The following BRPF3 variants were observed in gnomAD, a reference collection of about 807,000 sequenced individuals.
BRPF3 encodes bromodomain and PHD finger-containing protein 3.
A neutral mutation model predicts 102.0 loss-of-function variants in BRPF3; 18 were observed. That is an observed-to-expected ratio of 0.18 (90% CI 0.12 to 0.26). The LOEUF (loss-of-function observed/expected upper bound fraction) is 0.26. Among genes scored for constraint, BRPF3 ranks in the 10% least tolerant of loss-of-function variants. The probability of loss-of-function intolerance (pLI) is 1.00; values close to 1 mark genes in which losing one functional copy is unlikely to be tolerated. For missense variants in BRPF3, 1,147 were observed against 1,567.8 expected, an observed-to-expected ratio of 0.73 and a Z score of 4.53; for synonymous variants, 570 against 614.2, an observed-to-expected ratio of 0.93 and a Z score of 1.06.
intron 11 of BRPF3, among the ~76,000 whole-genome samples, chr6:36,227,201 CTT>C (rs1318774303): frequency 2.0e-5 from 3 of 151,344 alleles, no homozygotes; most frequent in Non-Finnish European, 4.4e-5. Flanking sequence ...TTTTCTGGCT[CTT>C]GTCTTTTTTT....
chr6:36,215,650 T>G (rs1768303029), intron 8 of BRPF3, among the ~76,000 whole-genome samples: 1 of 152,088 alleles, frequency 6.6e-6, no homozygotes, highest in Admixed American at 6.5e-5. Flanking sequence ...GCTGGCCCTG[T>G]GGGATGAGGG....
At chr6:36,225,576 G>C (rs543226446) in intron 11 of BRPF3, among the ~76,000 whole-genome samples, 1 of 152,252 alleles carries the variant, frequency 6.6e-6, no homozygotes, top group African/African-American at 2.4e-5. Flanking sequence ...TCAAGGCCAG[G>C]GTTCTTAGAG....
chr6:36,209,800 A>G lies in BRPF3; in HGVS notation c.1751A>G (p.Gln584Arg). The G allele has an allele frequency of 6.2e-7, 1 of 1,614,158 alleles. No individual in the cohort carries two copies. The change falls in exon 5 of 13, where the codon CAG becomes CGG. Residue 584 changes from glutamine to arginine, a missense_variant. By Grantham distance (43) the Gln-to-Arg change is conservative (BLOSUM62 1). Around this residue, in one of 11 missense-constraint regions of BRPF3, gnomAD observed 23 missense variants for 54.4 expected, o/e 0.42. Transcript: ENST00000357641. ...KLKREQVKVQ[Q>R]AAMELELMPF... is the part of the protein sequence containing the mutation. ...CCTTCCCCACAGGTCAAAGTCCAGC[A>G]GGCTGCCATGGAGCTGGAGCTGATG...
chr6:36,217,761 A>T (rs1057460345), intron 8 of BRPF3, among the ~76,000 whole-genome samples, 156 bp from the exon 9 acceptor site: 1 of 152,010 alleles, frequency 6.6e-6, no homozygotes, highest in African/African-American at 2.4e-5. Context: ...TCTTGATCAG[A>T]TCTTCTCTAT....
chr6:36,223,368 G>A (rs967430500), intron 10 of BRPF3, among the ~76,000 whole-genome samples: 4 of 152,154 alleles, frequency 2.6e-5, no homozygotes, highest in Non-Finnish European at 5.9e-5. Context: ...AAATGAATTT[G>A]TACAGCATCT....
In BRPF3 at chr6:36,230,057, C is replaced by T. The variant is rs372438097; in HGVS notation, c.3435-369C>T. Among the ~76,000 whole-genome samples, 11 of 152,318 alleles carry T rather than the reference C, an allele frequency of 7.2e-5. No homozygotes were observed. The East Asian group carries it at 7.7e-4, about 11-fold the overall frequency. The stretch of plus-strand genomic sequence containing the variant: ...ATCAGCTCTACTTCCTAGCCATCGC[C>T]CCCTAATTCTCCAACGCAAGGCGAG... On this transcript the variant is annotated intron_variant, in intron 12 of 12. Transcript: ENST00000357641. This position sits in a 1 kb window ranked among gnomAD's most constrained non-coding sequence, Gnocchi z 5.4.
rs560550088 is a variant in BRPF3, at chr6:36,230,657, G to A, written c.*48G>A. Reference sequence around the variant, plus strand: ...GCTTGCCCTGCCTCCATCCCGCAGGGCACAGAGAAGCCTCTTCTGCCCCTG... The same window carrying A: ...GCTTGCCCTGCCTCCATCCCGCAGGACACAGAGAAGCCTCTTCTGCCCCTG... On this transcript the variant is annotated 3_prime_UTR_variant, in exon 13 of 13. Coordinates refer to ENST00000357641, the MANE Select transcript of BRPF3 (RefSeq NM_015695.3). The surrounding 1 kb of genome is among the most constrained non-coding windows in gnomAD (Gnocchi z 5.4). 15 of 1,581,684 alleles carry A rather than the reference G, an allele frequency of 9.5e-6. No homozygotes were observed. The highest frequency in any genetic ancestry group is 1.2e-5 in the Non-Finnish European group (14 of 1,160,396).
In BRPF3 at chr6:36,210,616, G is replaced by T. The variant is rs1768071194; in HGVS notation, c.2179+88G>T. On this transcript the variant is annotated intron_variant, in intron 6 of 12. Coordinates refer to ENST00000357641, the MANE Select transcript of BRPF3 (RefSeq NM_015695.3). This position sits in a 1 kb window ranked among gnomAD's most constrained non-coding sequence, Gnocchi z 4.7. ...AGAGTGAGGGATCAGGGTGGTCCTT[G>T]GGGCTATAGGTAGACTCCAGGAGCA... 7.7e-7 allele frequency: 1 copy of T among 1,291,904 alleles called. No individual in the cohort carries two copies. Among genetic ancestry groups the T allele is most frequent in the Non-Finnish European group, 1.1e-6 (1 of 949,218 alleles). The allele number at this position is 1,291,904 out of a possible 1,614,324, so 80.0% of individuals were successfully genotyped here. A position where few individuals can be genotyped will look rare whatever the true frequency, so the allele number is the denominator to read the frequency against.
intron 7 of BRPF3, among the ~76,000 whole-genome samples, chr6:36,212,892 G>T (rs1422790703): frequency 6.6e-6 from 1 of 152,090 alleles, no homozygotes; most frequent in Non-Finnish European, 1.5e-5. Flanking sequence ...AGCGGAGCTT[G>T]CAGTGAGCCG....
chr6:36,202,410 A>ACCCC (rs773009912), intron 2 of BRPF3, among the ~76,000 whole-genome samples: 102 of 102,268 alleles, frequency 1.0e-3, no homozygotes, highest in African/African-American at 1.3e-3. Context: ...AGCTCTGTGG[A>ACCCC]CCCCCCCCCC....
At chr6:36,221,757 C>T (rs1193581176) in intron 9 of BRPF3, among the ~76,000 whole-genome samples, 1 of 152,060 alleles carries the variant, frequency 6.6e-6, no homozygotes, top group African/African-American at 2.4e-5. Flanking sequence ...TTTTGAATCT[C>T]AAAAATAAAT....
In BRPF3 at chr6:36,210,413, C is replaced by A; in HGVS notation, c.2064C>A (p.Ala688=). 6.2e-7 allele frequency: 1 copy of A among 1,613,950 alleles called. No individual in the cohort carries two copies. The change falls in exon 6 of 13, where the codon GCC becomes GCA. Residue 688 remains alanine (A), a synonymous_variant. Transcript: ENST00000357641. This position sits in a 1 kb window ranked among gnomAD's most constrained non-coding sequence, Gnocchi z 4.7. ...TCCGCCTGCGGGACCTGGGAGGGGC[C>A]ATCCTACGGCACGCCCGGCGGCAGG... ...AAVRLRDLGG[A]ILRHARRQAE...
rs1308825627 is a variant in BRPF3 at position 36,200,104 on chromosome 6, C to T, written c.-26-193C>T. Among the ~76,000 whole-genome samples the T allele has an allele frequency of 6.6e-6, 1 of 152,176 alleles. No homozygotes were observed. Among genetic ancestry groups the T allele is most frequent in the African/African-American group, 2.4e-5 (1 of 41,440 alleles). On this transcript the variant is annotated intron_variant, in intron 1 of 12. Transcript: ENST00000357641. The surrounding 1 kb of genome is among the most constrained non-coding windows in gnomAD (Gnocchi z 5.3). Reference sequence around the variant, plus strand: ...GATAAAGTGGTCAGAGAAGGTCTCACTGAGAAGTGTTGTTCACTTGAAGAA... The same window carrying T: ...GATAAAGTGGTCAGAGAAGGTCTCATTGAGAAGTGTTGTTCACTTGAAGAA...
chr6:36,225,440 C>A, intron 11 of BRPF3, 76 bp downstream of exon 11: 1 of 1,354,312 alleles, frequency 7.4e-7, no homozygotes, highest in African/African-American at 1.4e-5. Flanking sequence ...ATTAAGCCAG[C>A]AGAGTGTGGT....
rs1436239425 is a variant in BRPF3, at chr6:36,210,910, A to C, written c.2180-348A>C. Reference sequence around the variant, plus strand: ...TGCAGGTGGAGGACCAGAAAAATGGAATTGCCTCTGAGCCCCACACGCTGC... The same window carrying C: ...TGCAGGTGGAGGACCAGAAAAATGGCATTGCCTCTGAGCCCCACACGCTGC... On this transcript the variant is annotated intron_variant, in intron 6 of 12. Transcript: ENST00000357641. The surrounding 1 kb of genome is among the most constrained non-coding windows in gnomAD (Gnocchi z 4.7). Among the ~76,000 whole-genome samples the C allele has an allele frequency of 6.6e-6, 1 of 151,908 alleles. No individual in the cohort carries two copies. The highest frequency in any genetic ancestry group is 1.5e-5 in the Non-Finnish European group (1 of 67,946).
intron 11 of BRPF3, 114 bp downstream of exon 11, chr6:36,225,478 G>A (rs190996624): frequency 1.5e-5 from 14 of 942,322 alleles, no homozygotes; most frequent in African/African-American, 3.4e-5. Flanking sequence ...TAGCTGTAGA[G>A]GGGAGGGGGG....
chr6:36,229,086 G>A, intron 12 of BRPF3, 30 bp downstream of exon 12: 1 of 1,608,728 alleles, frequency 6.2e-7, no homozygotes, highest in Non-Finnish European at 8.5e-7. Context: ...AGGGGGCTGA[G>A]GGGCACGCCA....
At chr6:36,220,709 T>C (rs142494203) in intron 9 of BRPF3, among the ~76,000 whole-genome samples, 1 of 152,372 alleles carries the variant, frequency 6.6e-6, no homozygotes, top group East Asian at 1.9e-4. Flanking sequence ...ATAGGGTAAA[T>C]GGGAACTAAA....
chr6:36,227,070 T>A (rs1768766397), intron 11 of BRPF3, among the ~76,000 whole-genome samples: 1 of 152,252 alleles, frequency 6.6e-6, no homozygotes, highest in Non-Finnish European at 1.5e-5. Context: ...ATTAAAGAAA[T>A]TCAGCCACCA....
Sources: allele counts gnomAD v4.1 joint callset (sites outside exome capture counted in the v4.1 genomes callset), GRCh38; gene constraint gnomAD v4.1.1; regional missense constraint gnomAD v4.1.1; non-coding constraint Gnocchi (gnomAD v3.1); transcripts MANE v1.5; gene names NCBI Gene and HGNC (gene_info 2026-07-23, HGNC 2026-07-21).